The following RALYL variants were observed in gnomAD, a reference collection of about 807,000 sequenced individuals.
RALYL encodes RALY RNA binding protein like, also known as RNA-binding Raly-like protein.
RALYL carries 29 observed loss-of-function variants against 35.1 expected under a neutral mutation model. That is an observed-to-expected ratio of 0.83 (90% CI 0.61 to 1.13). RALYL has a LOEUF of 1.13. RALYL is among the 50% of genes most tolerant of loss of function. The probability of loss-of-function intolerance (pLI) is 0.00; values close to 1 mark genes in which losing one functional copy is unlikely to be tolerated. For missense variants in RALYL, 359 were observed against 360.4 expected, an observed-to-expected ratio of 1.00 and a Z score of 0.03; for synonymous variants, 120 against 127.6, an observed-to-expected ratio of 0.94 and a Z score of 0.40.
chr8:84,442,546 T>G (rs2048442646), intron 1 of RALYL, among the ~76,000 whole-genome samples: 1 of 152,044 alleles, frequency 6.6e-6, no homozygotes, highest in Non-Finnish European at 1.5e-5. Flanking sequence ...GTGCTTACAG[T>G]CAAAGATGGG....
chr8:84,483,088 G>T (rs1321919898), intron 1 of RALYL, among the ~76,000 whole-genome samples: 3 of 152,036 alleles, frequency 2.0e-5, no homozygotes, highest in Non-Finnish European at 4.4e-5. Context: ...ATAAGCTGGA[G>T]AATTAGAATA....
At chr8:84,222,830 G>A (rs887628234) in intron 1 of RALYL, among the ~76,000 whole-genome samples, 3 of 152,082 alleles carry the variant, frequency 2.0e-5, no homozygotes, top group African/African-American at 7.2e-5. Flanking sequence ...CGAGTCTTTG[G>A]TTATGAGATG....
At chr8:84,316,799 T>C (rs1345707784) in intron 1 of RALYL, among the ~76,000 whole-genome samples, 1 of 152,192 alleles carries the variant, frequency 6.6e-6, no homozygotes, top group Non-Finnish European at 1.5e-5. Context: ...TGGGAGGTTT[T>C]CTATTTTAGC....
At chr8:84,652,812 G>A (rs746474196) in intron 2 of RALYL, among the ~76,000 whole-genome samples, 2 of 151,844 alleles carry the variant, frequency 1.3e-5, no homozygotes, top group Non-Finnish European at 1.5e-5. Context: ...TTGCCTATCC[G>A]GCTTAGCATT....
chr8:84,558,532 G>A (rs796563337), intron 2 of RALYL, among the ~76,000 whole-genome samples: 1 of 152,162 alleles, frequency 6.6e-6, no homozygotes, highest in African/African-American at 2.4e-5. Context: ...AAAAATTGTT[G>A]TGGAATGATA....
intron 1 of RALYL, among the ~76,000 whole-genome samples, chr8:84,333,837 G>T (rs1847273978): frequency 6.6e-6 from 1 of 152,000 alleles, no homozygotes; most frequent in African/African-American, 2.4e-5. Flanking sequence ...ATTTATTTTA[G>T]AATTTGAACA....
chr8:84,610,895 G>A (rs966347045), intron 2 of RALYL, among the ~76,000 whole-genome samples: 1 of 151,996 alleles, frequency 6.6e-6, no homozygotes, highest in Non-Finnish European at 1.5e-5. Flanking sequence ...TGTATATTTT[G>A]TTTGTTTAGC....
intron 1 of RALYL, among the ~76,000 whole-genome samples, chr8:84,327,828 T>A (rs1234721287): frequency 6.6e-6 from 1 of 152,210 alleles, no homozygotes; most frequent in African/African-American, 2.4e-5. Flanking sequence ...GTTTTTTCTG[T>A]TTTGCTCTTT....
chr8:84,407,065 CACAA>C (rs1410202282), intron 1 of RALYL, among the ~76,000 whole-genome samples: 54 of 148,310 alleles, frequency 3.6e-4, no homozygotes, highest in Admixed American at 8.7e-4. Flanking sequence ...CACACACACA[CACAA>C]ACACACACAC....
At chr8:84,563,264 T>C (rs903840779) in intron 2 of RALYL, among the ~76,000 whole-genome samples, 2 of 151,818 alleles carry the variant, frequency 1.3e-5, no homozygotes, top group African/African-American at 4.8e-5. Context: ...CATCTTGGGT[T>C]GATTCTCATG....
chr8:84,277,546 C>G (rs1835657479), intron 1 of RALYL, among the ~76,000 whole-genome samples: 1 of 152,164 alleles, frequency 6.6e-6, no homozygotes, highest in African/African-American at 2.4e-5. Flanking sequence ...AGCATTAACT[C>G]AAAAGTCCAC....
chr8:84,915,547 A>G (rs1255167438), intron 8 of RALYL, among the ~76,000 whole-genome samples: 1 of 152,122 alleles, frequency 6.6e-6, no homozygotes, highest in Non-Finnish European at 1.5e-5. Context: ...ACGATTATCT[A>G]CAAATAGAGC....
At chr8:84,694,016 C>A (rs1190885092) in intron 2 of RALYL, among the ~76,000 whole-genome samples, 3 of 151,774 alleles carry the variant, frequency 2.0e-5, no homozygotes. Context: ...TAACATTTAA[C>A]CAATGGTGGA....
chr8:84,440,698 CT>C (rs1477825214), intron 1 of RALYL, among the ~76,000 whole-genome samples: 3 of 151,830 alleles, frequency 2.0e-5, no homozygotes, highest in Non-Finnish European at 4.4e-5. Flanking sequence ...TATTATTTTC[CT>C]TTTTATGCCA....
At chr8:84,390,104 T>C (rs1388044081) in intron 1 of RALYL, among the ~76,000 whole-genome samples, 3 of 143,130 alleles carry the variant, frequency 2.1e-5, no homozygotes, top group East Asian at 1.9e-4. Context: ...GAGATAATCA[T>C]GGTTTTTGTC....
chr8:84,445,498 C>T (rs2048755548), intron 1 of RALYL, among the ~76,000 whole-genome samples: 2 of 151,816 alleles, frequency 1.3e-5, no homozygotes, highest in Admixed American at 1.3e-4. Context: ...AGTATTAAAA[C>T]TGTAGTACGT....
rs140561552 is a variant in RALYL, at chr8:84,425,877, C to T, written c.-23-103422C>T. On this transcript the variant is annotated intron_variant, in intron 1 of 8. Transcript: ENST00000521268. Reference sequence around the variant, plus strand: ...GATAGAACTTGAGGTGAGAATTTAACTGGGGTTTGGTTGCTACCAGTACAG... The same window carrying T: ...GATAGAACTTGAGGTGAGAATTTAATTGGGGTTTGGTTGCTACCAGTACAG... 4.2e-3 allele frequency among the ~76,000 whole-genome samples: 629 copies of T among 150,256 alleles called. 6 individuals are homozygous for T. The highest frequency in any genetic ancestry group is 0.014 in the African/African-American group (584 of 40,708).
At chr8:84,719,059 A>G (rs1460015987) in intron 2 of RALYL, among the ~76,000 whole-genome samples, 1 of 152,002 alleles carries the variant, frequency 6.6e-6, no homozygotes, top group Non-Finnish European at 1.5e-5. Flanking sequence ...CTTCTGATAC[A>G]TTTCTCTAAG....
intron 4 of RALYL, among the ~76,000 whole-genome samples, chr8:84,810,635 C>A (rs529556825): frequency 6.6e-6 from 1 of 152,144 alleles, no homozygotes; most frequent in African/African-American, 2.4e-5. Flanking sequence ...TTTCTTAGGT[C>A]TATTAGTAAT....
Sources: gnomAD v4.1 joint callset for allele counts (sites outside exome capture counted in the v4.1 genomes callset) on GRCh38, gnomAD v4.1.1 for gene constraint, MANE v1.5 for transcripts, NCBI Gene and HGNC (gene_info 2026-07-23, HGNC 2026-07-21) for gene names.